The following CLSTN2 variants were observed in gnomAD, a reference collection of about 807,000 sequenced individuals.
CLSTN2 encodes calsyntenin 2.
A neutral mutation model predicts 101.2 loss-of-function variants in CLSTN2; 48 were observed. The observed-to-expected ratio is 0.47, with a 90% CI of 0.38 to 0.60. CLSTN2 has a LOEUF of 0.60. Among genes scored for constraint, CLSTN2 ranks in the 20% least tolerant of loss-of-function variants. CLSTN2 has a pLI of 0.00. For missense variants in CLSTN2, 1,160 were observed against 1,238.2 expected (o/e 0.94, Z 0.95); for synonymous variants, 481 against 463.6 (o/e 1.04, Z -0.48).
intron 1 of CLSTN2, among the ~76,000 whole-genome samples, chr3:140,048,989 T>C (rs551413280): frequency 3.0e-4 from 46 of 152,340 alleles, no homozygotes; most frequent in Admixed American, 1.4e-3. Context: ...GAGCACCTGT[T>C]TGTGCTGGTC....
chr3:140,410,043 C>A (rs533955935), intron 4 of CLSTN2, among the ~76,000 whole-genome samples: 8 of 151,948 alleles, frequency 5.3e-5, no homozygotes, highest in East Asian at 1.9e-4. Flanking sequence ...AGAAAGCCTA[C>A]ATAATGTATG....
At chr3:140,372,327 A>G (rs1420839081) in intron 2 of CLSTN2, among the ~76,000 whole-genome samples, 1 of 152,148 alleles carries the variant, frequency 6.6e-6, no homozygotes, top group Non-Finnish European at 1.5e-5. Context: ...AGTTCTCCCA[A>G]GCATAGCATG....
At chr3:140,490,123 C>T (rs370043641) in intron 8 of CLSTN2, among the ~76,000 whole-genome samples, 589 of 2,088 alleles carry the variant, frequency 0.28, 235 homozygotes, top group Middle Eastern at 1. Flanking sequence ...TATATACACA[C>T]ACACACACAC....
intron 9 of CLSTN2, among the ~76,000 whole-genome samples, chr3:140,538,447 CA>C (rs565551007): frequency 3.0e-4 from 46 of 152,266 alleles, no homozygotes; most frequent in Middle Eastern, 3.4e-3. Flanking sequence ...AAAGCCAAAG[CA>C]AAGAATAGGA....
intron 6 of CLSTN2, among the ~76,000 whole-genome samples, chr3:140,458,360 G>T (rs987492075): frequency 1.3e-5 from 2 of 151,900 alleles, no homozygotes; most frequent in Admixed American, 6.6e-5. Context: ...CCATACCCCT[G>T]CCCACCCAAC....
Position 139,950,328 on chromosome 3 carries a change from C to G in CLSTN2, c.109+14845C>G, listed in dbSNP as rs750918662. On this transcript the variant is annotated intron_variant, in intron 1 of 16. Transcript: ENST00000458420. ...AGGGTCACCTTCTGAGGGACAGTCCCCAGGCACATGGATGAGAGCTAGGTT... is the reference window on the plus strand; with the variant it reads ...AGGGTCACCTTCTGAGGGACAGTCCGCAGGCACATGGATGAGAGCTAGGTT... Among the ~76,000 whole-genome samples the G allele has an allele frequency of 2.0e-5, 3 of 152,250 alleles. No individual in the cohort carries two copies. The East Asian group carries it at 5.8e-4, about 29-fold the overall frequency.
intron 1 of CLSTN2, among the ~76,000 whole-genome samples, chr3:140,063,022 T>C (rs1443227438): frequency 6.6e-6 from 1 of 152,332 alleles, no homozygotes; most frequent in Middle Eastern, 3.4e-3. Context: ...CCTTCACACA[T>C]TAAGTGACAA....
intron 2 of CLSTN2, among the ~76,000 whole-genome samples, chr3:140,219,440 C>T (rs964682962): frequency 6.6e-6 from 1 of 152,142 alleles, no homozygotes; most frequent in Non-Finnish European, 1.5e-5. Context: ...ACCACAGTTC[C>T]TTAAATCGGA....
At chr3:140,342,708 GC>G (rs2087504309) in intron 2 of CLSTN2, among the ~76,000 whole-genome samples, 1 of 151,888 alleles carries the variant, frequency 6.6e-6, no homozygotes, top group Non-Finnish European at 1.5e-5. Flanking sequence ...AGACACAAAG[GC>G]TAGGGGTAAC....
intron 1 of CLSTN2, among the ~76,000 whole-genome samples, chr3:140,133,801 C>A (rs1286694195): frequency 6.6e-6 from 1 of 152,338 alleles, no homozygotes; most frequent in Non-Finnish European, 1.5e-5. Flanking sequence ...CCAACTTAGT[C>A]TCCCCATGCA....
chr3:140,200,690 A>G (rs6768971), intron 2 of CLSTN2, among the ~76,000 whole-genome samples: 3,144 of 152,302 alleles, frequency 0.021, 112 homozygotes, highest in African/African-American at 0.071. Context: ...CATTGTGTGT[A>G]TATAATCAAA....
intron 2 of CLSTN2, among the ~76,000 whole-genome samples, chr3:140,205,077 C>T (rs763788598): frequency 3.3e-5 from 5 of 152,088 alleles, no homozygotes; most frequent in African/African-American, 1.2e-4. Flanking sequence ...CTGTAAGTTA[C>T]GGCCCTTGTT....
chr3:140,033,737 T>G (rs1180090288), intron 1 of CLSTN2, among the ~76,000 whole-genome samples: 2 of 152,200 alleles, frequency 1.3e-5, no homozygotes, highest in African/African-American at 4.8e-5. Flanking sequence ...TTTATGTAAG[T>G]GCAAAATTAT....
chr3:140,223,900 T>G (rs2107854584), intron 2 of CLSTN2, among the ~76,000 whole-genome samples: 1 of 152,302 alleles, frequency 6.6e-6, no homozygotes, highest in East Asian at 1.9e-4. Flanking sequence ...GTGACTCGTG[T>G]TCTTGGTGAT....
chr3:140,135,117 C>CACACACACACACATAT (rs1488268767), intron 1 of CLSTN2, among the ~76,000 whole-genome samples: 1 of 58,106 alleles, frequency 1.7e-5, no homozygotes, highest in African/African-American at 8.6e-5. Flanking sequence ...CACACACACA[C>CACACACACACACATAT]ATATATATAT....
intron 5 of CLSTN2, among the ~76,000 whole-genome samples, chr3:140,443,409 C>T (rs1933003403): frequency 2.0e-5 from 3 of 152,226 alleles, no homozygotes; most frequent in Admixed American, 2.0e-4. Context: ...TAATATGAAA[C>T]TTCCAAGTGG....
intron 1 of CLSTN2, among the ~76,000 whole-genome samples, chr3:139,983,151 G>C (rs1049099893): frequency 1.3e-5 from 2 of 151,888 alleles, no homozygotes; most frequent in Non-Finnish European, 2.9e-5. Flanking sequence ...ACTATTACTG[G>C]AAGGATTTGG....
In CLSTN2 at chr3:140,482,812, G is replaced by C. The variant is rs60598750; in HGVS notation, c.1344+16081G>C. Among the ~76,000 whole-genome samples, 8 of 152,024 alleles carry C rather than the reference G, an allele frequency of 5.3e-5. No individual in the cohort carries two copies. The East Asian group carries it at 1.5e-3, about 29-fold the overall frequency. Reference sequence around the variant, plus strand: ...TATCCCCTTTATCATTTTTCATTGCGTCTATTTGATTCTTCTCTCTTTTCT... The same window carrying C: ...TATCCCCTTTATCATTTTTCATTGCCTCTATTTGATTCTTCTCTCTTTTCT... On this transcript the variant is annotated intron_variant, in intron 8 of 16. Coordinates refer to ENST00000458420, the MANE Select transcript of CLSTN2 (RefSeq NM_022131.3).
intron 1 of CLSTN2, among the ~76,000 whole-genome samples, chr3:140,154,843 A>C (rs943480056): frequency 6.6e-6 from 1 of 151,762 alleles, no homozygotes; most frequent in African/African-American, 2.4e-5. Context: ...ATGGGATTTC[A>C]CCGTGTTAGC....
Sources: gnomAD v4.1 joint callset for allele counts (sites outside exome capture counted in the v4.1 genomes callset) on GRCh38, gnomAD v4.1.1 for gene constraint, MANE v1.5 for transcripts, NCBI Gene and HGNC (gene_info 2026-07-23, HGNC 2026-07-21) for gene names.